Variants in SGCZ observed in about 807,000 individuals in gnomAD.
SGCZ encodes the protein sarcoglycan zeta.
SGCZ carries 40 observed loss-of-function variants against 41.3 expected under a neutral mutation model. The observed-to-expected ratio is 0.97, with a 90% CI of 0.75 to 1.26. SGCZ has a LOEUF of 1.26. SGCZ is among the 50% of genes most tolerant of loss of function. The pLI, the probability that SGCZ is intolerant of heterozygous loss-of-function variation, is 0.00. For missense variants in SGCZ, 552 were observed against 369.8 expected (o/e 1.49, Z -4.04); for synonymous variants, 206 against 137.5 (o/e 1.50, Z -3.49).
At chr8:14,198,376 C>T (rs1306893167) in intron 4 of SGCZ, among the ~76,000 whole-genome samples, 1 of 151,992 alleles carries the variant, frequency 6.6e-6, no homozygotes, top group Admixed American at 6.6e-5. Flanking sequence ...TTTGGTTCTG[C>T]CAAAGAGAGG....
intron 1 of SGCZ, among the ~76,000 whole-genome samples, chr8:14,907,565 G>C (rs550080500): frequency 6.6e-6 from 1 of 152,068 alleles, no homozygotes; most frequent in East Asian, 1.9e-4. Flanking sequence ...TCTTAATAAA[G>C]AATAAAGGCT....
intron 2 of SGCZ, among the ~76,000 whole-genome samples, chr8:14,439,329 A>C (rs181304806): frequency 0.035 from 5,298 of 149,360 alleles, 304 homozygotes; most frequent in African/African-American, 0.12. Context: ...ATATATATAT[A>C]TCTCCTCATG....
chr8:14,755,257 T>G (rs1015381001), intron 1 of SGCZ, among the ~76,000 whole-genome samples: 2 of 152,214 alleles, frequency 1.3e-5, no homozygotes, highest in Admixed American at 1.3e-4. Context: ...ATTTGTTTGC[T>G]GTTTGTTTGC....
In SGCZ at chr8:14,090,608, C is replaced by A. The variant is rs750133995; in HGVS notation, c.774G>T (p.Leu258=). 1 of 1,612,038 alleles carries A rather than the reference C, an allele frequency of 6.2e-7. No individual in the cohort carries two copies. The highest frequency in any genetic ancestry group is 1.1e-5 in the South Asian group (1 of 90,890). Residue 258 remains leucine (L), a synonymous_variant, in exon 8 of 8, where the codon CTG becomes CTT. Coordinates refer to ENST00000382080, the MANE Select transcript of SGCZ (RefSeq NM_139167.4). ...AGAAGGAGCCAGTTGGTAGATTTCC[C>A]AGCTTGATTGTCTCTGCATTTAAAA... The part of the protein sequence containing the change: ...EIFLNAETIK[L]GNLPTGSFSS...
chr8:14,495,556 T>C (rs189906891), intron 2 of SGCZ, among the ~76,000 whole-genome samples: 219 of 152,344 alleles, frequency 1.4e-3, no homozygotes, highest in African/African-American at 5.0e-3. Context: ...TGTATATCAA[T>C]AGTGTACATT....
At chr8:14,992,178 C>G (rs1033694563) in intron 1 of SGCZ, among the ~76,000 whole-genome samples, 5 of 151,248 alleles carry the variant, frequency 3.3e-5, no homozygotes, top group African/African-American at 9.7e-5. Flanking sequence ...AATCTACTCC[C>G]CAAACTAGTG....
At chr8:14,327,680 G>C (rs1315682224) in intron 2 of SGCZ, among the ~76,000 whole-genome samples, 1 of 152,074 alleles carries the variant, frequency 6.6e-6, no homozygotes. Flanking sequence ...AGCTTCGTGT[G>C]TTTTCTTCTT....
chr8:15,026,066 C>T (rs773507460), intron 1 of SGCZ, among the ~76,000 whole-genome samples: 5 of 151,668 alleles, frequency 3.3e-5, no homozygotes, highest in East Asian at 1.9e-4. Context: ...ATACTCCACG[C>T]GTTTTCTTTT....
At chr8:14,548,401 C>T (rs1267371380) in intron 2 of SGCZ, among the ~76,000 whole-genome samples, 1 of 152,094 alleles carries the variant, frequency 6.6e-6, no homozygotes, top group African/African-American at 2.4e-5. Flanking sequence ...GGCTATATAA[C>T]ATTTATGAAT....
intron 2 of SGCZ, among the ~76,000 whole-genome samples, chr8:14,334,198 G>A (rs1802430717): frequency 6.6e-6 from 1 of 151,840 alleles, no homozygotes; most frequent in African/African-American, 2.4e-5. Context: ...CACTCCTTAG[G>A]GTAAAGCCTT....
At chr8:14,120,123 A>G (rs980278272) in intron 5 of SGCZ, among the ~76,000 whole-genome samples, 1 of 152,160 alleles carries the variant, frequency 6.6e-6, no homozygotes, top group Non-Finnish European at 1.5e-5. Context: ...CCAAATTTCT[A>G]AAAAAGGTAT....
chr8:15,036,226 C>G (rs544668198), intron 1 of SGCZ, among the ~76,000 whole-genome samples: 1 of 151,812 alleles, frequency 6.6e-6, no homozygotes, highest in Non-Finnish European at 1.5e-5. Flanking sequence ...ATTGGATAAC[C>G]TAGAAGAAAT....
At chr8:15,016,372 C>G (rs941539203) in intron 1 of SGCZ, among the ~76,000 whole-genome samples, 1 of 152,136 alleles carries the variant, frequency 6.6e-6, no homozygotes, top group African/African-American at 2.4e-5. Context: ...TCTGATCCAC[C>G]AGGGGAATAA....
intron 2 of SGCZ, among the ~76,000 whole-genome samples, chr8:14,337,327 C>G (rs779669275): frequency 2.0e-5 from 3 of 152,090 alleles, no homozygotes; most frequent in Non-Finnish European, 4.4e-5. Flanking sequence ...GTGGAAGAGA[C>G]TATTATCTAT....
At chr8:14,115,893 G>C (rs1256720722) in intron 5 of SGCZ, among the ~76,000 whole-genome samples, 1 of 151,862 alleles carries the variant, frequency 6.6e-6, no homozygotes, top group Non-Finnish European at 1.5e-5. Flanking sequence ...ACTTTCTGAA[G>C]AGAAACAAAA....
chr8:14,237,554 A>G, intron 4 of SGCZ, 38 bp downstream of exon 4: 1 of 1,562,694 alleles, frequency 6.4e-7, no homozygotes, highest in South Asian at 1.2e-5. Flanking sequence ...AAAAAAAACC[A>G]AGCACAGTAG....
chr8:14,573,456 G>C (rs1804620318), intron 1 of SGCZ, among the ~76,000 whole-genome samples: 1 of 152,060 alleles, frequency 6.6e-6, no homozygotes, highest in Admixed American at 6.5e-5. Context: ...CCAAAGTGCT[G>C]GGATTACAGG....
At chr8:14,659,429 TC>T (rs1807677350) in intron 1 of SGCZ, among the ~76,000 whole-genome samples, 1 of 152,190 alleles carries the variant, frequency 6.6e-6, no homozygotes, top group South Asian at 2.1e-4. Context: ...TATAATTCTA[TC>T]CTTTTCTCAA....
At chr8:14,502,280 A>T (rs901729811) in intron 2 of SGCZ, among the ~76,000 whole-genome samples, 19 of 152,132 alleles carry the variant, frequency 1.2e-4, no homozygotes, top group African/African-American at 4.3e-4. Flanking sequence ...CTAAGATTCT[A>T]CTGATCTTAG....
Sources: allele counts gnomAD v4.1 joint callset (sites outside exome capture counted in the v4.1 genomes callset), GRCh38; gene constraint gnomAD v4.1.1; transcripts MANE v1.5; gene names NCBI Gene and HGNC (gene_info 2026-07-23, HGNC 2026-07-21).